The following PRPF39 variants were observed in gnomAD, a reference collection of about 807,000 sequenced individuals.
PRPF39 encodes pre-mRNA-processing factor 39.
PRPF39 carries 27 observed loss-of-function variants against 82.1 expected under a neutral mutation model. That is an observed-to-expected ratio of 0.33 (90% CI 0.24 to 0.45). PRPF39 has a LOEUF of 0.45. Ranked by LOEUF, PRPF39 falls within the 20% of genes least tolerant of loss-of-function variation. The probability of loss-of-function intolerance (pLI) is 1.00; values close to 1 mark genes in which losing one functional copy is unlikely to be tolerated. For synonymous variants in PRPF39, 261 were observed against 256.4 expected (o/e 1.02, Z -0.17); for missense variants, 581 against 796.9 (o/e 0.73, Z 3.26).
At chr14:45,091,656 A>G (rs1448594302) in intron 1 of PRPF39, among the ~76,000 whole-genome samples, 2 of 152,198 alleles carry the variant, frequency 1.3e-5, no homozygotes, top group Non-Finnish European at 2.9e-5. Context: ...AACAGAAAAT[A>G]TGGGCAAAAG....
chr14:45,096,217 C>T lies in PRPF39; in HGVS notation c.439C>T (p.Pro147Ser). The T allele has an allele frequency of 6.3e-7, 1 of 1,594,202 alleles. No homozygotes were observed. ...DLEKRHDNIKPSDEVYRRGLQ... is the reference protein window; with the variant it reads ...DLEKRHDNIKSSDEVYRRGLQ... ...TGAAAAGCGGCACGACAACATTAAA[C>T]CATCAGATGAGGTGCGTACATCACT... Residue 147 changes from proline (P) to serine (S), a missense_variant, in exon 3 of 14, where the codon CCA becomes TCA. Transcript: ENST00000355765.
chr14:45,103,582 A>G (rs1032693670), intron 5 of PRPF39, among the ~76,000 whole-genome samples: 1 of 152,124 alleles, frequency 6.6e-6, no homozygotes, highest in Admixed American at 6.5e-5. Context: ...CTAAGGATCA[A>G]TGTGCTAAAG....
chr14:45,107,753 A>C, intron 6 of PRPF39, 137 bp downstream of exon 6: 1 of 809,030 alleles, frequency 1.2e-6, no homozygotes, highest in Non-Finnish European at 1.9e-6. Context: ...ACATGGTGAA[A>C]CCCTGTCTAT....
At chr14:45,105,908 T>C (rs1339803260) in intron 5 of PRPF39, among the ~76,000 whole-genome samples, 1 of 152,148 alleles carries the variant, frequency 6.6e-6, no homozygotes, top group African/African-American at 2.4e-5. Flanking sequence ...CAAGGTCATT[T>C]TATGTTTATC....
chr14:45,116,216 T>C lies in PRPF39; in HGVS notation c.*1303T>C. On this transcript the variant is annotated 3_prime_UTR_variant, in exon 14 of 14. Coordinates refer to ENST00000355765, the MANE Select transcript of PRPF39 (RefSeq NM_017922.4). ...TGCTATTTCAATCAATATCCACTAA[T>C]TCCACTTCAAAAGTGAGTTTTGCAT... 6.2e-7 allele frequency: 1 copy of C among 1,612,582 alleles called. No homozygotes were observed. Among genetic ancestry groups the C allele is most frequent in the Non-Finnish European group, 8.5e-7 (1 of 1,178,756 alleles).
chr14:45,095,356 A>T lies in PRPF39; in HGVS notation c.117A>T (p.Thr39=). 1 of 1,613,938 alleles carries T rather than the reference A, an allele frequency of 6.2e-7. No individual in the cohort carries two copies. The highest frequency in any genetic ancestry group is 1.3e-5 in the African/African-American group (1 of 75,076). ...TCAGTACTGAGATTATGAACGTTAC[A>T]GAAATGGAACAGTCACCTGATGACT... ...TDFSTEIMNV[T]EMEQSPDDSP... Residue 39 remains threonine, a synonymous_variant, in exon 2 of 14, where the codon ACA becomes ACT. Transcript: ENST00000355765.
At chr14:45,096,818 A>T (rs1425310718) in intron 3 of PRPF39, 69 bp from the exon 4 acceptor site, 1 of 1,539,552 alleles carries the variant, frequency 6.5e-7, no homozygotes, top group Non-Finnish European at 8.8e-7. Flanking sequence ...TTCACCGGAT[A>T]ACACAGTGTT....
intron 6 of PRPF39, 50 bp from the exon 7 acceptor site, chr14:45,108,365 T>C: frequency 6.7e-7 from 1 of 1,501,866 alleles, no homozygotes; most frequent in Non-Finnish European, 8.8e-7. Flanking sequence ...TATTGAAAAT[T>C]TTCAGTATAC....
chr14:45,108,996 ACAGT>A (rs2139063197), intron 7 of PRPF39, among the ~76,000 whole-genome samples: 2 of 152,208 alleles, frequency 1.3e-5, no homozygotes, highest in Admixed American at 1.3e-4. Flanking sequence ...AACCATCACC[ACAGT>A]CAATTTTAAA....
chr14:45,107,475 T>C lies in PRPF39; in HGVS notation c.762T>C (p.Asn254=). 1.3e-6 allele frequency: 2 copies of C among 1,555,282 alleles called. No homozygotes were observed. The highest frequency in any genetic ancestry group is 1.8e-6 in the Non-Finnish European group (2 of 1,142,810). ...FQRFKEHVQN[N]LPRDLLTGEQ... The stretch of plus-strand genomic sequence containing the variant: ...GATTTAAAGAACATGTACAGAATAA[T>C]TTGCCTAGAGATCTTTTAACTGGTG... The change falls in exon 6 of 14, where the codon AAT becomes AAC. Residue 254 remains asparagine, a synonymous_variant. Transcript: ENST00000355765.
intron 10 of PRPF39, among the ~76,000 whole-genome samples, chr14:45,112,092 A>G (rs1012970933): frequency 3.9e-5 from 6 of 152,180 alleles, no homozygotes; most frequent in African/African-American, 1.2e-4. Context: ...AACAATTTGC[A>G]TTGTTTAGGA....
At position 45,115,873 on chromosome 14, in the gene PRPF39, A is replaced by G; in HGVS notation, c.*960A>G. 4.3e-6 allele frequency: 1 copy of G among 230,156 alleles called. No homozygotes were observed. 14.3% of individuals were successfully genotyped at this position (230,156 alleles called of 1,614,324 possible). A position where few individuals can be genotyped will look rare whatever the true frequency, so the allele number is the denominator to read the frequency against. ...CCAATTCCCTAATCAGAACAATAAT[A>G]TATTAACACCAAACAAATCACAGTC... On this transcript the variant is annotated 3_prime_UTR_variant, in exon 14 of 14. Transcript: ENST00000355765.
intron 1 of PRPF39, among the ~76,000 whole-genome samples, chr14:45,092,213 T>G (rs1266819495): frequency 2.6e-5 from 4 of 152,230 alleles, no homozygotes; most frequent in Non-Finnish European, 2.9e-5. Context: ...GAAATCAGTA[T>G]TTTATTAGTA....
At chr14:45,109,824 T>C in intron 8 of PRPF39, 44 bp downstream of exon 8, 2 of 1,542,914 alleles carry the variant, frequency 1.3e-6, no homozygotes, top group Non-Finnish European at 1.7e-6. Flanking sequence ...ATTATAAACA[T>C]TGATCTAGTG....
chr14:45,096,084 ACT>A lies in PRPF39; in HGVS notation c.325-18_325-17del. Reference sequence around the variant, plus strand: ...ACAGAAATTTCCACAATATTTAAATACTGTTTTATTTTTATCAGAATCACTTG... The same window carrying A: ...ACAGAAATTTCCACAATATTTAAATAGTTTTATTTTTATCAGAATCACTTG... On this transcript the variant is annotated splice_polypyrimidine_tract_variant and intron_variant, in intron 2 of 13. Transcript: ENST00000355765. 1 of 1,536,524 alleles carries A rather than the reference ACT, an allele frequency of 6.5e-7. No individual in the cohort carries two copies. The highest frequency in any genetic ancestry group is 8.8e-7 in the Non-Finnish European group (1 of 1,137,062).
At position 45,095,793 on chromosome 14, in the gene PRPF39, ATG is replaced by A. The variant is rs1256783637; in HGVS notation, c.324+238_324+239del. ...ATGTTTTGTAATAATTGAGGTGTAA[ATG>A]TGTGTGTAAAATTGCTGAAATAAAA... is the stretch of plus-strand genomic sequence containing the variant. On this transcript the variant is annotated intron_variant, in intron 2 of 13. Coordinates refer to ENST00000355765, the MANE Select transcript of PRPF39 (RefSeq NM_017922.4). 1.1e-5 allele frequency: 6 copies of A among 567,100 alleles called. No individual in the cohort carries two copies. In the Admixed American group the frequency reaches 1.1e-4, roughly 11 times the overall value. 35.1% of individuals were successfully genotyped at this position (567,100 alleles called of 1,614,324 possible). A position where few individuals can be genotyped will look rare whatever the true frequency, so the allele number is the denominator to read the frequency against.
intron 1 of PRPF39, among the ~76,000 whole-genome samples, chr14:45,087,398 G>T (rs1883866081): frequency 2.6e-5 from 4 of 151,824 alleles, no homozygotes; most frequent in Admixed American, 6.6e-5. Flanking sequence ...TGCATGGGTG[G>T]CCCAGAGTGT....
At position 45,112,325 on chromosome 14, in the gene PRPF39, CAA is replaced by C. The variant is rs1884721436; in HGVS notation, c.1582_1583del (p.Lys528ValfsTer7). On this transcript the variant is annotated frameshift_variant, in exon 11 of 14. Transcript: ENST00000355765. LOFTEE classifies it high-confidence loss of function. ...ATGCTGCTTTTTACACAGGAGAACACAAAGTTATACCTCAATTTACTTGAAAT... is the reference window on the plus strand; with the variant it reads ...ATGCTGCTTTTTACACAGGAGAACACAGTTATACCTCAATTTACTTGAAAT... 1 of 1,555,556 alleles carries C rather than the reference CAA, an allele frequency of 6.4e-7. No individual in the cohort carries two copies. Among genetic ancestry groups the C allele is most frequent in the Non-Finnish European group, 8.6e-7 (1 of 1,161,820 alleles).
At chr14:45,085,937 A>G (rs1311460629) in intron 1 of PRPF39, among the ~76,000 whole-genome samples, 2 of 143,608 alleles carry the variant, frequency 1.4e-5, no homozygotes, top group African/African-American at 2.6e-5. Context: ...AGGCATACAG[A>G]AAAAAAAAAA....
Sources: gnomAD v4.1 joint callset for allele counts (sites outside exome capture counted in the v4.1 genomes callset) on GRCh38, gnomAD v4.1.1 for gene constraint, MANE v1.5 for transcripts, NCBI Gene and HGNC (gene_info 2026-07-23, HGNC 2026-07-21) for gene names.